ZNF704: variants seen among roughly 807,000 people sequenced by gnomAD.
ZNF704 encodes the protein zinc finger protein 704.
Under a neutral mutation model 44.7 loss-of-function variants are expected in ZNF704, and 10 were observed. The ratio of observed to expected loss-of-function variants is 0.22; its 90% CI spans 0.14 to 0.38. ZNF704 has a LOEUF of 0.38. ZNF704 is among the 10% of genes least tolerant of loss of function. ZNF704 has a pLI of 1.00. For missense variants in ZNF704, 390 were observed against 545.5 expected, an observed-to-expected ratio of 0.71 and a Z score of 2.84; for synonymous variants, 211 against 207.6, an observed-to-expected ratio of 1.02 and a Z score of -0.14.
the ZNF704 span, among the ~76,000 whole-genome samples, chr8:80,880,587 T>A: frequency 6.6e-6 from 1 of 152,260 alleles, no homozygotes; most frequent in East Asian, 1.9e-4. Flanking sequence ...AGAGATTTTC[T>A]TTTGCACATG....
intron 2 of ZNF704, among the ~76,000 whole-genome samples, chr8:80,712,988 G>A (rs7000707): frequency 1.3e-5 from 2 of 151,112 alleles, no homozygotes; most frequent in Admixed American, 1.3e-4. Flanking sequence ...GTTCACCTCC[G>A]AGGTTCAAGG....
rs559279275 is a variant in ZNF704 at position 80,849,782 on chromosome 8, T to C, written c.-22+24789A>G. 9.2e-5 allele frequency among the ~76,000 whole-genome samples: 14 copies of C among 152,306 alleles called. No homozygotes were observed. In the South Asian group the frequency reaches 2.7e-3, roughly 29 times the overall value. On this transcript the variant is annotated intron_variant, in intron 1 of 8. Transcript: ENST00000327835. ...ATGATGAGGTTTTAAGATCTGAGGATGAAGATGAAAGGTTTTATGATAGTT... is the reference window on the plus strand; with the variant it reads ...ATGATGAGGTTTTAAGATCTGAGGACGAAGATGAAAGGTTTTATGATAGTT...
chr8:80,834,156 T>C (rs985327821), intron 1 of ZNF704, among the ~76,000 whole-genome samples: 11 of 151,962 alleles, frequency 7.2e-5, no homozygotes, highest in Non-Finnish European at 1.5e-4. Flanking sequence ...ATTGTGCCAC[T>C]GCACTCCAGC....
chr8:80,839,561 A>G (rs1270401913), intron 1 of ZNF704, among the ~76,000 whole-genome samples: 2 of 152,228 alleles, frequency 1.3e-5, no homozygotes, highest in Non-Finnish European at 2.9e-5. Context: ...ATAAATTTGC[A>G]TATCTGCTTA....
intron 1 of ZNF704, among the ~76,000 whole-genome samples, chr8:80,852,841 T>C (rs1319643119): frequency 1.3e-5 from 2 of 152,216 alleles, no homozygotes; most frequent in African/African-American, 4.8e-5. Flanking sequence ...ATAATATTTA[T>C]GTTTTAGCCC....
intron 2 of ZNF704, among the ~76,000 whole-genome samples, chr8:80,699,750 A>G (rs1818780296): frequency 1.3e-5 from 2 of 152,070 alleles, no homozygotes; most frequent in African/African-American, 4.8e-5. Flanking sequence ...TTTAATTTCC[A>G]TTAAACTTTG....
chr8:80,748,623 G>A (rs1343674963), intron 2 of ZNF704, among the ~76,000 whole-genome samples: 3 of 152,176 alleles, frequency 2.0e-5, no homozygotes, highest in Non-Finnish European at 2.9e-5. Flanking sequence ...GTAGGGGAAT[G>A]GGCATTGCTG....
intron 2 of ZNF704, among the ~76,000 whole-genome samples, chr8:80,754,738 C>A (rs956144397): frequency 3.3e-5 from 5 of 152,220 alleles, no homozygotes; most frequent in African/African-American, 1.2e-4. Context: ...ACCCCATGAT[C>A]TGCCTGGGTC....
At chr8:80,855,582 C>A (rs1027190081) in intron 1 of ZNF704, among the ~76,000 whole-genome samples, 1 of 151,868 alleles carries the variant, frequency 6.6e-6, no homozygotes, top group South Asian at 2.1e-4. Context: ...TACACATGGA[C>A]GTAGAGTATG....
chr8:80,748,975 G>A (rs1378060922), intron 2 of ZNF704, among the ~76,000 whole-genome samples: 3 of 152,162 alleles, frequency 2.0e-5, no homozygotes, highest in Non-Finnish European at 2.9e-5. Context: ...CCTGGTGCTG[G>A]GGATTCAGCA....
At chr8:80,780,058 G>T (rs1167423470) in intron 2 of ZNF704, among the ~76,000 whole-genome samples, 2 of 152,078 alleles carry the variant, frequency 1.3e-5, no homozygotes, top group Non-Finnish European at 2.9e-5. Context: ...TGATACAGGG[G>T]TAGGGGTCAT....
At chr8:80,727,253 T>TGGCTCAGGGCCAGACTTACGATC (rs1169435009) in intron 2 of ZNF704, among the ~76,000 whole-genome samples, 10 of 152,192 alleles carry the variant, frequency 6.6e-5, no homozygotes, top group Non-Finnish European at 1.5e-5. Context: ...TATAGCCATG[T>TGGCTCAGGGCCAGACTTACGATC]GGCTCAGGGC....
At chr8:80,706,067 G>A (rs897851125) in intron 2 of ZNF704, among the ~76,000 whole-genome samples, 3 of 152,146 alleles carry the variant, frequency 2.0e-5, no homozygotes, top group East Asian at 1.9e-4. Flanking sequence ...GCAGGTTAAC[G>A]ATCCGCCTGG....
At chr8:80,823,272 T>C (rs1808310366) in intron 1 of ZNF704, among the ~76,000 whole-genome samples, 1 of 152,222 alleles carries the variant, frequency 6.6e-6, no homozygotes, top group South Asian at 2.1e-4. Flanking sequence ...CAGGAGACTA[T>C]ATCCCGTGCC....
At chr8:80,784,034 T>C (rs968996728) in intron 2 of ZNF704, among the ~76,000 whole-genome samples, 2 of 152,170 alleles carry the variant, frequency 1.3e-5, no homozygotes, top group African/African-American at 2.4e-5. Context: ...TTAAGCTTCT[T>C]CCATATCTTT....
chr8:80,662,489 G>A (rs940833517), intron 6 of ZNF704, among the ~76,000 whole-genome samples: 13 of 152,174 alleles, frequency 8.5e-5, no homozygotes. Context: ...AGTGATAAAT[G>A]AAGATGAATG....
the ZNF704 span, among the ~76,000 whole-genome samples, chr8:80,883,920 T>A: frequency 6.6e-6 from 1 of 152,226 alleles, no homozygotes; most frequent in Non-Finnish European, 1.5e-5. Flanking sequence ...TTTCTATGTT[T>A]GTTATTTTAT....
At chr8:80,873,667 C>G (rs1809300613) in intron 1 of ZNF704, 1 of 154,626 alleles carries the variant, frequency 6.5e-6, no homozygotes, top group African/African-American at 2.4e-5. Flanking sequence ...CCTCCTCGTC[C>G]TCCTCTTCCT....
chr8:80,741,340 G>GA (rs1377591677), intron 2 of ZNF704, among the ~76,000 whole-genome samples: 2 of 152,050 alleles, frequency 1.3e-5, no homozygotes, highest in Non-Finnish European at 1.5e-5. Context: ...ATATGTCACA[G>GA]AAAAAAAATA....
Sources: gnomAD v4.1 joint callset for allele counts (sites outside exome capture counted in the v4.1 genomes callset) on GRCh38, gnomAD v4.1.1 for gene constraint, MANE v1.5 for transcripts, NCBI Gene and HGNC (gene_info 2026-07-23, HGNC 2026-07-21) for gene names.